Variants in TMCC1 observed in about 807,000 individuals in gnomAD.
The protein encoded by TMCC1 is transmembrane and coiled-coil domain family 1.
A neutral mutation model predicts 52.4 loss-of-function variants in TMCC1; 15 were observed. The ratio of observed to expected loss-of-function variants is 0.29; its 90% CI spans 0.19 to 0.44. TMCC1 has a LOEUF of 0.44. Ranked by LOEUF, TMCC1 falls within the 20% of genes least tolerant of loss-of-function variation. The probability of loss-of-function intolerance (pLI) is 1.00; values close to 1 mark genes in which losing one functional copy is unlikely to be tolerated. For missense variants in TMCC1, 503 were observed against 806.0 expected (o/e 0.62, Z 4.55); for synonymous variants, 279 against 301.9 (o/e 0.92, Z 0.79).
intron 4 of TMCC1, among the ~76,000 whole-genome samples, chr3:129,747,851 C>T (rs1305533229): frequency 6.6e-6 from 1 of 152,180 alleles, no homozygotes; most frequent in Non-Finnish European, 1.5e-5. Context: ...TCCGTACTCA[C>T]TCCTTCCCAC....
intron 4 of TMCC1, among the ~76,000 whole-genome samples, chr3:129,797,868 C>T (rs1172772717): frequency 3.9e-5 from 6 of 152,000 alleles, no homozygotes; most frequent in Non-Finnish European, 8.8e-5. Context: ...CACCTATAAC[C>T]AAAAGTAAAG....
intron 2 of TMCC1, among the ~76,000 whole-genome samples, chr3:129,859,472 A>G (rs1320217623): frequency 6.6e-6 from 1 of 152,044 alleles, no homozygotes; most frequent in African/African-American, 2.4e-5. Flanking sequence ...CCCCATCTCT[A>G]TGAAGAATAC....
intron 4 of TMCC1, among the ~76,000 whole-genome samples, chr3:129,790,250 A>G (rs114674018): frequency 6.6e-6 from 1 of 152,362 alleles, no homozygotes; most frequent in African/African-American, 2.4e-5. Context: ...TCAAAGATCC[A>G]TATCTGGAAA....
At chr3:129,811,197 C>T (rs1237708684) in intron 4 of TMCC1, among the ~76,000 whole-genome samples, 3 of 152,166 alleles carry the variant, frequency 2.0e-5, no homozygotes, top group Non-Finnish European at 4.4e-5. Context: ...GTTAAGCTTA[C>T]AAAGAAATGC....
At chr3:129,729,072 G>T (rs1282657025) in intron 4 of TMCC1, among the ~76,000 whole-genome samples, 1 of 151,906 alleles carries the variant, frequency 6.6e-6, no homozygotes, top group Non-Finnish European at 1.5e-5. Flanking sequence ...ATGTTTCTAG[G>T]TTAAATACCT....
At chr3:129,741,919 T>C (rs1285528421) in intron 4 of TMCC1, among the ~76,000 whole-genome samples, 1 of 152,158 alleles carries the variant, frequency 6.6e-6, no homozygotes, top group Non-Finnish European at 1.5e-5. Context: ...TCTCATATAA[T>C]TCACATAATT....
intron 4 of TMCC1, among the ~76,000 whole-genome samples, chr3:129,826,704 T>A (rs527266637): frequency 1.3e-5 from 2 of 151,748 alleles, no homozygotes; most frequent in South Asian, 4.2e-4. Flanking sequence ...GGTAACTTAA[T>A]ATCCAATAAA....
chr3:129,849,771 A>G (rs1560544100), intron 2 of TMCC1, among the ~76,000 whole-genome samples: 1 of 151,386 alleles, frequency 6.6e-6, no homozygotes, highest in Non-Finnish European at 1.5e-5. Context: ...ATCTCAAAAA[A>G]AAATAAAAAA....
intron 2 of TMCC1, among the ~76,000 whole-genome samples, chr3:129,866,363 T>C (rs1162573226): frequency 8.1e-6 from 1 of 123,262 alleles, no homozygotes; most frequent in Non-Finnish European, 1.7e-5. Context: ...TAATATATAT[T>C]TTATATATAT....
At chr3:129,826,208 A>C (rs2058650466) in intron 4 of TMCC1, among the ~76,000 whole-genome samples, 1 of 152,098 alleles carries the variant, frequency 6.6e-6, no homozygotes. Context: ...TATTTCAAAG[A>C]TAACTAATAT....
At chr3:129,719,934 T>G (rs545123316) in intron 4 of TMCC1, among the ~76,000 whole-genome samples, 1 of 152,176 alleles carries the variant, frequency 6.6e-6, no homozygotes, top group South Asian at 2.1e-4. Flanking sequence ...ATCTCAACAT[T>G]TTGGGAGGCC....
intron 2 of TMCC1, chr3:129,848,347 G>A (rs1382652081): frequency 6.6e-6 from 1 of 152,178 alleles, no homozygotes; most frequent in Non-Finnish European, 1.5e-5. Flanking sequence ...TAGCTTTTGT[G>A]TCTGGTGTGA....
At chr3:129,886,421 C>T (rs374636185) in intron 1 of TMCC1, among the ~76,000 whole-genome samples, 158 of 152,120 alleles carry the variant, frequency 1.0e-3, no homozygotes, top group African/African-American at 3.4e-3. Context: ...CTCAAGAGAA[C>T]TGAAAATGTA....
Position 129,715,662 on chromosome 3 carries a change from TC to T in TMCC1, c.577-44399del, listed in dbSNP as rs1206409044. Among the ~76,000 whole-genome samples the T allele has an allele frequency of 4.0e-4, 61 of 152,324 alleles. 1 individual carries two copies. Among genetic ancestry groups the T allele is most frequent in the African/African-American group, 1.4e-3 (57 of 41,576 alleles). On this transcript the variant is annotated intron_variant, in intron 4 of 6. Transcript: ENST00000393238. ...CCTTATTTTCCTGTTAAAAGTAATC[TC>T]CTTCTAGTTCTCTGTACTTCTAAAC...
At chr3:129,838,978 G>A (rs2059299486) in intron 2 of TMCC1, among the ~76,000 whole-genome samples, 1 of 152,010 alleles carries the variant, frequency 6.6e-6, no homozygotes, top group Non-Finnish European at 1.5e-5. Context: ...TCTACATCCA[G>A]TGAAAATATC....
At chr3:129,715,234 T>C (rs2048986020) in intron 4 of TMCC1, among the ~76,000 whole-genome samples, 1 of 152,232 alleles carries the variant, frequency 6.6e-6, no homozygotes, top group Non-Finnish European at 1.5e-5. Context: ...TTTTCCTTTC[T>C]ATATCCAACC....
chr3:129,870,401 A>C (rs186322200), intron 2 of TMCC1, among the ~76,000 whole-genome samples: 1 of 152,226 alleles, frequency 6.6e-6, no homozygotes, highest in East Asian at 1.9e-4. Flanking sequence ...TATTATCTTC[A>C]GTACCAAAAT....
At chr3:129,772,489 G>A (rs2054669805) in intron 4 of TMCC1, among the ~76,000 whole-genome samples, 1 of 152,044 alleles carries the variant, frequency 6.6e-6, no homozygotes, top group South Asian at 2.1e-4. Flanking sequence ...GCTGAGGCAG[G>A]CAGATCACAA....
chr3:129,683,882 T>TA (rs573116987), intron 4 of TMCC1, among the ~76,000 whole-genome samples: 18 of 152,176 alleles, frequency 1.2e-4, no homozygotes, highest in Non-Finnish European at 2.4e-4. Flanking sequence ...TTCTGTCCTT[T>TA]AAAAAATATA....
Sources: allele counts gnomAD v4.1 joint callset (sites outside exome capture counted in the v4.1 genomes callset), GRCh38; gene constraint gnomAD v4.1.1; transcripts MANE v1.5; gene names NCBI Gene and HGNC (gene_info 2026-07-23, HGNC 2026-07-21).